Variants in GPSM2 observed in about 807,000 individuals in gnomAD.
GPSM2 encodes G protein-signaling modulator 2.
In GPSM2, 58 loss-of-function variants were observed where a neutral mutation model predicts 78.4. That is an observed-to-expected ratio of 0.74 (90% CI 0.60 to 0.92). The LOEUF (loss-of-function observed/expected upper bound fraction) is 0.92, where lower values mean the gene tolerates loss of function less well. Ranked by LOEUF, GPSM2 falls within the 40% of genes least tolerant of loss-of-function variation. The pLI, the probability that GPSM2 is intolerant of heterozygous loss-of-function variation, is 0.00. For missense variants in GPSM2, 700 were observed against 815.5 expected (o/e 0.86, Z 1.73); for synonymous variants, 224 against 280.2 (o/e 0.80, Z 2.00).
chr1:108,923,814 C>G (rs1044469301), intron 13 of GPSM2, among the ~76,000 whole-genome samples, 186 bp from the exon 14 acceptor site: 3 of 152,218 alleles, frequency 2.0e-5, no homozygotes, highest in Non-Finnish European at 4.4e-5. Context: ...ATTCTTCCCT[C>G]CAGCCAATAA....
rs966511132 is a variant in GPSM2 at position 108,933,114 on chromosome 1, G to A, written c.*3174G>A. 2 of 151,778 alleles carry A rather than the reference G, an allele frequency of 1.3e-5. No homozygotes were observed. The highest frequency in any genetic ancestry group is 4.8e-5 in the African/African-American group (2 of 41,248). The allele number at this position is 151,778 out of a possible 1,614,324, so 9.4% of individuals were successfully genotyped here. A position where few individuals can be genotyped will look rare whatever the true frequency, so the allele number is the denominator to read the frequency against. On this transcript the variant is annotated 3_prime_UTR_variant, in exon 15 of 15. Transcript: ENST00000264126. The stretch of plus-strand genomic sequence containing the variant: ...GATCATCCTCCCTCAACCTTCCAAA[G>A]TGCTAGGACTGTAGGCATGAGCCAC...
At chr1:108,903,547 T>G (rs1053229211) in intron 9 of GPSM2, among the ~76,000 whole-genome samples, 2 of 152,280 alleles carry the variant, frequency 1.3e-5, no homozygotes, top group Admixed American at 1.3e-4. Context: ...AAAGCATGGT[T>G]CTTAGAATTA....
intron 10 of GPSM2, among the ~76,000 whole-genome samples, chr1:108,906,051 T>C (rs1204026316): frequency 6.6e-6 from 1 of 152,206 alleles, no homozygotes; most frequent in Non-Finnish European, 1.5e-5. Context: ...GAGACTCATT[T>C]GTTTAAAATT....
intron 11 of GPSM2, among the ~76,000 whole-genome samples, chr1:108,916,367 AAT>A (rs1156961738): frequency 1.3e-5 from 2 of 152,230 alleles, no homozygotes; most frequent in Non-Finnish European, 2.9e-5. Context: ...TTTATGTGTG[AAT>A]AGTCTTCAAA....
In GPSM2 at chr1:108,898,676, C is replaced by T. The variant is rs148114086; in HGVS notation, c.592C>T (p.Arg198Ter). ...ATCATTAGTGACTGCTTTGGGTGAC[C>T]GAGCGGCACAAGGACGTGCCTTTGG... ...NLSLVTALGD[R>*]AAQGRAFGNL... Residue 198 changes from arginine to a stop codon, truncating the protein, a stop_gained, in exon 6 of 15, where the codon CGA becomes TGA. Transcript: ENST00000264126. LOFTEE classifies it high-confidence loss of function. 1.1e-5 allele frequency: 18 copies of T among 1,613,538 alleles called. No individual in the cohort carries two copies. Among genetic ancestry groups the T allele is most frequent in the Non-Finnish European group, 1.4e-5 (16 of 1,179,720 alleles).
At chr1:108,907,503 A>G (rs1474703358) in intron 10 of GPSM2, among the ~76,000 whole-genome samples, 2 of 152,238 alleles carry the variant, frequency 1.3e-5, no homozygotes, top group Non-Finnish European at 2.9e-5. Flanking sequence ...GTAAGGAAAA[A>G]AATAACAAAA....
intron 2 of GPSM2, among the ~76,000 whole-genome samples, chr1:108,892,030 T>TG (rs1212467865): frequency 1.3e-5 from 2 of 152,202 alleles, no homozygotes; most frequent in African/African-American, 4.8e-5. Flanking sequence ...ATTTGTTTAT[T>TG]GGGGCTAGCA....
intron 14 of GPSM2, among the ~76,000 whole-genome samples, chr1:108,925,232 A>G (rs1651032825): frequency 6.6e-6 from 1 of 152,244 alleles, no homozygotes; most frequent in Non-Finnish European, 1.5e-5. Flanking sequence ...GTTCTGTTTT[A>G]GACATGTTAA....
intron 11 of GPSM2, among the ~76,000 whole-genome samples, chr1:108,916,147 T>G (rs1179028794): frequency 6.6e-6 from 1 of 151,126 alleles, no homozygotes; most frequent in Non-Finnish European, 1.5e-5. Flanking sequence ...TAGTCCCAGC[T>G]ACCTGGGAGG....
At chr1:108,882,984 C>A (rs1187743365) in intron 1 of GPSM2, among the ~76,000 whole-genome samples, 1 of 152,132 alleles carries the variant, frequency 6.6e-6, no homozygotes, top group Non-Finnish European at 1.5e-5. Flanking sequence ...GAGAGGATCA[C>A]CAAGAGTTCC....
At chr1:108,907,473 T>C (rs543336878) in intron 10 of GPSM2, among the ~76,000 whole-genome samples, 2 of 152,042 alleles carry the variant, frequency 1.3e-5, no homozygotes, top group South Asian at 2.1e-4. Context: ...ACCAAATATG[T>C]AAAGAAACAA....
intron 12 of GPSM2, among the ~76,000 whole-genome samples, chr1:108,919,789 A>T (rs556651901): frequency 6.6e-6 from 1 of 152,214 alleles, no homozygotes; most frequent in Non-Finnish European, 1.5e-5. Flanking sequence ...GATAATCAGT[A>T]TCAGGGAAAT....
intron 14 of GPSM2, among the ~76,000 whole-genome samples, chr1:108,925,700 G>C (rs772781987): frequency 2.6e-5 from 4 of 152,150 alleles, no homozygotes; most frequent in Non-Finnish European, 5.9e-5. Flanking sequence ...CCAGTGGCAT[G>C]GTGGGGACAA....
rs114930156 is a variant in GPSM2 at position 108,915,007 on chromosome 1, G to A, written c.1263+599G>A. On this transcript the variant is annotated intron_variant, in intron 11 of 14. Transcript: ENST00000264126. ...TAAAAGGGAAGGGACTTCATAATTAGAAACAGGTTATTGAAGAAAACATCA... is the reference window on the plus strand; with the variant it reads ...TAAAAGGGAAGGGACTTCATAATTAAAAACAGGTTATTGAAGAAAACATCA... Among the ~76,000 whole-genome samples the A allele has an allele frequency of 4.8e-3, 735 of 152,174 alleles. 11 individuals carry two copies. Among genetic ancestry groups the A allele is most frequent in the African/African-American group, 0.017 (696 of 41,518 alleles).
intron 12 of GPSM2, among the ~76,000 whole-genome samples, chr1:108,921,991 TTCAAA>T (rs1417792719): frequency 6.6e-6 from 1 of 151,370 alleles, no homozygotes; most frequent in Non-Finnish European, 1.5e-5. Flanking sequence ...TTTCAGGATC[TTCAAA>T]TCTAAGTATA....
intron 13 of GPSM2, 81 bp downstream of exon 13, chr1:108,922,657 A>G (rs1650810063): frequency 9.1e-7 from 1 of 1,100,732 alleles, no homozygotes; most frequent in Non-Finnish European, 1.4e-6. Flanking sequence ...TTGAATTCCC[A>G]TCATAAGAGA....
intron 14 of GPSM2, among the ~76,000 whole-genome samples, chr1:108,929,278 G>A (rs897275781): frequency 3.3e-5 from 5 of 152,110 alleles, no homozygotes; most frequent in Admixed American, 2.6e-4. Flanking sequence ...ATTTTTTTAA[G>A]GTAGTTCCTC....
chr1:108,879,677 A>G (rs1365552867), intron 1 of GPSM2, among the ~76,000 whole-genome samples: 1 of 152,206 alleles, frequency 6.6e-6, no homozygotes, highest in Non-Finnish European at 1.5e-5. Flanking sequence ...TACTAAAAAT[A>G]CAATAGTTAG....
At chr1:108,896,372 T>TAA (rs1648367995) in intron 2 of GPSM2, among the ~76,000 whole-genome samples, 1 of 152,022 alleles carries the variant, frequency 6.6e-6, no homozygotes, top group South Asian at 2.1e-4. Context: ...GTGTGTTGTG[T>TAA]GTGTATGAGA....
Sources: gnomAD v4.1 joint callset for allele counts (sites outside exome capture counted in the v4.1 genomes callset) on GRCh38, gnomAD v4.1.1 for gene constraint, MANE v1.5 for transcripts, NCBI Gene and HGNC (gene_info 2026-07-23, HGNC 2026-07-21) for gene names.